The following CNTN5 variants were observed in gnomAD, a reference collection of about 807,000 sequenced individuals.
CNTN5 encodes contactin 5.
Under a neutral mutation model 129.1 loss-of-function variants are expected in CNTN5, and 77 were observed. The observed-to-expected ratio is 0.60, with a 90% CI of 0.50 to 0.72. CNTN5 has a LOEUF of 0.72. CNTN5 is among the 30% of genes least tolerant of loss of function. The pLI, the probability that CNTN5 is intolerant of heterozygous loss-of-function variation, is 0.00. For synonymous variants in CNTN5, 509 were observed against 465.6 expected (o/e 1.09, Z -1.20); for missense variants, 1,478 against 1,328.8 (o/e 1.11, Z -1.75).
In CNTN5 at chr11:99,466,902, C is replaced by A. The variant is rs79013283; in HGVS notation, c.-70-89243C>A. ...ATAATTGCCAGCACATTCTATTGGC[C>A]GGAAGTCAATCACCTAGCCTTACTC... is the stretch of plus-strand genomic sequence containing the variant. On this transcript the variant is annotated intron_variant, in intron 2 of 24. Coordinates refer to ENST00000524871, the MANE Select transcript of CNTN5 (RefSeq NM_014361.4). Among the ~76,000 whole-genome samples, 1,396 of 152,048 alleles carry A rather than the reference C, an allele frequency of 9.2e-3. 10 individuals carry two copies. Among genetic ancestry groups the A allele is most frequent in the Middle Eastern group, 0.02 (6 of 294 alleles).
intron 1 of CNTN5, among the ~76,000 whole-genome samples, chr11:99,123,824 T>G (rs745390371): frequency 1.3e-5 from 2 of 152,090 alleles, no homozygotes; most frequent in Non-Finnish European, 2.9e-5. Context: ...TATTACTAGT[T>G]TTTGTCAGCT....
chr11:99,708,126 C>G (rs1467059171), intron 3 of CNTN5, among the ~76,000 whole-genome samples: 1 of 151,642 alleles, frequency 6.6e-6, no homozygotes, highest in African/African-American at 2.4e-5. Flanking sequence ...TGACCTAGAC[C>G]ACTATTCTTG....
intron 1 of CNTN5, among the ~76,000 whole-genome samples, chr11:99,278,182 G>T (rs1438437259): frequency 1.3e-5 from 2 of 151,522 alleles, no homozygotes; most frequent in Non-Finnish European, 3.0e-5. Context: ...ACATGGAAAT[G>T]CTTGGAAGGT....
intron 13 of CNTN5, among the ~76,000 whole-genome samples, chr11:100,132,818 T>A (rs1219405877): frequency 6.6e-6 from 1 of 152,138 alleles, no homozygotes; most frequent in Non-Finnish European, 1.5e-5. Flanking sequence ...GTATTTTCCT[T>A]AAATACAATC....
intron 21 of CNTN5, among the ~76,000 whole-genome samples, chr11:100,338,084 C>T (rs1461580759): frequency 1.3e-5 from 2 of 152,168 alleles, no homozygotes; most frequent in African/African-American, 4.8e-5. Flanking sequence ...AGTAATTTAA[C>T]ATTTATAAAA....
chr11:99,266,173 G>A (rs1354865415), intron 1 of CNTN5, among the ~76,000 whole-genome samples: 1 of 151,958 alleles, frequency 6.6e-6, no homozygotes. Flanking sequence ...AACAATTGAC[G>A]ATATTTGAAC....
At chr11:99,175,886 T>C (rs976166251) in intron 1 of CNTN5, among the ~76,000 whole-genome samples, 1 of 152,098 alleles carries the variant, frequency 6.6e-6, no homozygotes, top group Non-Finnish European at 1.5e-5. Flanking sequence ...GTATATTACA[T>C]ACAAAATTGG....
chr11:99,133,198 G>A (rs1859034376), intron 1 of CNTN5, among the ~76,000 whole-genome samples: 1 of 152,112 alleles, frequency 6.6e-6, no homozygotes, highest in African/African-American at 2.4e-5. Flanking sequence ...GAACTGACAA[G>A]CCACATGCAG....
chr11:100,234,789 A>ATT (rs533128315), intron 16 of CNTN5, among the ~76,000 whole-genome samples: 2 of 126,762 alleles, frequency 1.6e-5, no homozygotes, highest in African/African-American at 5.8e-5. Context: ...GTATCCCAGA[A>ATT]TTTAAAAAAA....
At chr11:99,459,361 A>C (rs1944607305) in intron 2 of CNTN5, among the ~76,000 whole-genome samples, 3 of 152,012 alleles carry the variant, frequency 2.0e-5, no homozygotes, top group Non-Finnish European at 4.4e-5. Flanking sequence ...CTTTGGATTT[A>C]AGTTGAATGA....
chr11:99,185,576 A>G (rs962332040), intron 1 of CNTN5, among the ~76,000 whole-genome samples: 1 of 151,796 alleles, frequency 6.6e-6, no homozygotes, highest in African/African-American at 2.4e-5. Context: ...TTTCCCTATG[A>G]CCTTAATTAA....
At chr11:99,544,932 T>A (rs1369042127) in intron 2 of CNTN5, among the ~76,000 whole-genome samples, 1 of 152,240 alleles carries the variant, frequency 6.6e-6, no homozygotes, top group East Asian at 1.9e-4. Context: ...ATCCCTGTAG[T>A]ATCTCTTTTT....
chr11:99,471,181 T>C (rs1945158207), intron 2 of CNTN5, among the ~76,000 whole-genome samples: 1 of 152,096 alleles, frequency 6.6e-6, no homozygotes, highest in Admixed American at 6.6e-5. Flanking sequence ...AATAAACATT[T>C]TCCTTAAACA....
At chr11:100,283,577 T>C (rs758358813) in intron 18 of CNTN5, among the ~76,000 whole-genome samples, 1 of 152,200 alleles carries the variant, frequency 6.6e-6, no homozygotes, top group Non-Finnish European at 1.5e-5. Context: ...CTTGAGCCTG[T>C]GGTGGTGAGG....
At chr11:100,221,675 T>C (rs1349501802) in intron 15 of CNTN5, among the ~76,000 whole-genome samples, 4 of 152,240 alleles carry the variant, frequency 2.6e-5, no homozygotes, top group Admixed American at 6.5e-5. Context: ...ATTCAACAAA[T>C]AGTTATTAAG....
chr11:99,729,885 T>C (rs1013436682), intron 3 of CNTN5, among the ~76,000 whole-genome samples: 4 of 151,916 alleles, frequency 2.6e-5, no homozygotes, highest in African/African-American at 4.8e-5. Context: ...ACAACACACA[T>C]TGGGGCCTGT....
intron 23 of CNTN5, 101 bp from the exon 24 acceptor site, chr11:100,350,601 T>C (rs2139038048): frequency 1.2e-6 from 1 of 820,760 alleles, no homozygotes. Flanking sequence ...GTCTAAACTG[T>C]AAGCTCCTTG....
chr11:99,424,334 G>C (rs1943023993), intron 2 of CNTN5, among the ~76,000 whole-genome samples: 1 of 152,202 alleles, frequency 6.6e-6, no homozygotes, highest in South Asian at 2.1e-4. Flanking sequence ...AGTGTCGTGG[G>C]ATCTGGGGGT....
chr11:99,964,179 C>A (rs1404412407), intron 8 of CNTN5, among the ~76,000 whole-genome samples: 1 of 152,116 alleles, frequency 6.6e-6, no homozygotes, highest in Non-Finnish European at 1.5e-5. Flanking sequence ...TTGCCCTGGC[C>A]AGAACTTCCA....
Sources: allele counts gnomAD v4.1 joint callset (sites outside exome capture counted in the v4.1 genomes callset), GRCh38; gene constraint gnomAD v4.1.1; transcripts MANE v1.5; gene names NCBI Gene and HGNC (gene_info 2026-07-23, HGNC 2026-07-21).